MIA2: variants seen among roughly 807,000 people sequenced by gnomAD.
The protein encoded by MIA2 is melanoma inhibitory activity protein 2.
A neutral mutation model predicts 167.8 loss-of-function variants in MIA2; 127 were observed. The ratio of observed to expected loss-of-function variants is 0.76; its 90% confidence interval spans 0.66 to 0.88. The LOEUF is 0.88. Ranked by LOEUF, MIA2 falls within the 40% of genes least tolerant of loss-of-function variation. The probability of loss-of-function intolerance (pLI) is 0.00; values close to 1 mark genes in which losing one functional copy is unlikely to be tolerated. For synonymous variants in MIA2, 552 were observed against 541.9 expected (o/e 1.02, Z -0.26); for missense variants, 1,690 against 1,624.7 (o/e 1.04, Z -0.69).
chr14:39,331,341 A>C (rs775117678), intron 25 of MIA2, among the ~76,000 whole-genome samples: 3 of 152,018 alleles, frequency 2.0e-5, no homozygotes, highest in Admixed American at 6.6e-5. Context: ...TTTTGAGCCT[A>C]TGTGTGTCTA....
At position 39,315,523 on chromosome 14, in the gene MIA2, AG is replaced by A. The variant is rs1374895026; in HGVS notation, c.3181-159del. Among the ~76,000 whole-genome samples, 11 of 152,314 alleles carry A rather than the reference AG, an allele frequency of 7.2e-5. No individual in the cohort carries two copies. The South Asian group carries it at 2.3e-3, about 32-fold the overall frequency. The stretch of plus-strand genomic sequence containing the variant: ...TTCAGTTTTTGTTTTAAAATATAAT[AG>A]ATTATGTATACATGAAAATTTGCTT... On this transcript the variant is annotated intron_variant, in intron 20 of 28. Coordinates refer to ENST00000640607, the MANE Select transcript of MIA2 (RefSeq NM_001329214.4).
chr14:39,348,223 A>G (rs768934470), intron 27 of MIA2, among the ~76,000 whole-genome samples: 1 of 152,168 alleles, frequency 6.6e-6, no homozygotes, highest in Non-Finnish European at 1.5e-5. Flanking sequence ...TTTGATTAAT[A>G]TACTTTCTAC....
At chr14:39,324,899 G>A (rs1021810133) in intron 24 of MIA2, among the ~76,000 whole-genome samples, 6 of 152,178 alleles carry the variant, frequency 3.9e-5, no homozygotes, top group South Asian at 2.1e-4. Context: ...GAGCCATCAC[G>A]CCTGGCTATT....
chr14:39,298,530 G>GTTGTTTTTTTTTTTT (rs2061831830), intron 13 of MIA2, among the ~76,000 whole-genome samples: 1 of 26,180 alleles, frequency 3.8e-5, no homozygotes, highest in Non-Finnish European at 6.7e-5. Flanking sequence ...GTAGAACAGA[G>GTTGTTTTTTTTTTTT]TTTTTTTTTT....
At chr14:39,266,325 A>G in intron 6 of MIA2, 1 of 985,450 alleles carries the variant, frequency 1.0e-6, no homozygotes, top group Non-Finnish European at 1.2e-6. Flanking sequence ...GAACAAATCC[A>G]GCACTTGGCA....
intron 23 of MIA2, among the ~76,000 whole-genome samples, chr14:39,362,772 A>G (rs1428787725): frequency 1.3e-5 from 2 of 151,806 alleles, no homozygotes; most frequent in African/African-American, 4.8e-5. Context: ...GCATTGTTAG[A>G]TTGTGTGAAA....
chr14:39,363,058 C>T (rs983628900), intron 23 of MIA2, among the ~76,000 whole-genome samples: 12 of 152,184 alleles, frequency 7.9e-5, no homozygotes, highest in African/African-American at 2.9e-4. Flanking sequence ...TAGTTTTATT[C>T]CATTGTGTTC....
chr14:39,259,537 T>C (rs1330078731), intron 6 of MIA2, among the ~76,000 whole-genome samples: 7 of 152,050 alleles, frequency 4.6e-5, no homozygotes, highest in Non-Finnish European at 1.0e-4. Flanking sequence ...TTCTCTTTTT[T>C]TTCTATTTTT....
chr14:39,270,292 C>T (rs1308432303), intron 6 of MIA2, among the ~76,000 whole-genome samples: 1 of 151,122 alleles, frequency 6.6e-6, no homozygotes, highest in Non-Finnish European at 1.5e-5. Context: ...GCCTCCACCT[C>T]CCAGGTTCAA....
At chr14:39,345,684 T>G (rs1009931748) in intron 25 of MIA2, among the ~76,000 whole-genome samples, 1 of 152,222 alleles carries the variant, frequency 6.6e-6, no homozygotes. Context: ...ATTGAAATTT[T>G]CAAAATCCAA....
Position 39,262,674 on chromosome 14 carries a change from G to A in MIA2, c.1887+9503G>A, listed in dbSNP as rs2055180180. Reference sequence around the variant, plus strand: ...ATGGAATGTTCTTCCATTTGTTTGTGTCCTCTTTTATTTCAATGAGCAGTG... The same window carrying A: ...ATGGAATGTTCTTCCATTTGTTTGTATCCTCTTTTATTTCAATGAGCAGTG... On this transcript the variant is annotated intron_variant, in intron 6 of 28. Transcript: ENST00000640607. 1.4e-4 allele frequency among the ~76,000 whole-genome samples: 21 copies of A among 152,192 alleles called. No homozygotes were observed. In the South Asian group the frequency reaches 4.4e-3, roughly 32 times the overall value.
At position 39,247,490 on chromosome 14, in the gene MIA2, T is replaced by A. The variant is rs750494587; in HGVS notation, c.916T>A (p.Ser306Thr). 6.2e-7 allele frequency: 1 copy of A among 1,613,940 alleles called. No individual in the cohort carries two copies. The highest frequency in any genetic ancestry group is 8.5e-7 in the Non-Finnish European group (1 of 1,179,940). Residue 306 changes from serine to threonine, a missense_variant, in exon 4 of 29, where the codon TCC becomes ACC. Coordinates refer to ENST00000640607, the MANE Select transcript of MIA2 (RefSeq NM_001329214.4). ...GTCAGAGCACATTCCCAAACCTCAATCCACTGGTTGGTTTGGTGGAGGATT... is the reference window on the plus strand; with the variant it reads ...GTCAGAGCACATTCCCAAACCTCAAACCACTGGTTGGTTTGGTGGAGGATT... ...SESEHIPKPQ[S>T]TGWFGGGFTS...
intron 23 of MIA2, among the ~76,000 whole-genome samples, chr14:39,383,752 G>C (rs2075215267): frequency 1.3e-5 from 2 of 152,180 alleles, no homozygotes; most frequent in Non-Finnish European, 2.9e-5. Context: ...GAAAATTTTA[G>C]TGGTCTGGAT....
intron 6 of MIA2, chr14:39,266,553 T>G (rs1420593927): frequency 1.0e-6 from 1 of 985,326 alleles, no homozygotes; most frequent in Non-Finnish European, 1.2e-6. Context: ...AGATCGAGGT[T>G]CTCTTGCGTG....
At chr14:39,286,277 C>T (rs534953311) in intron 9 of MIA2, among the ~76,000 whole-genome samples, 54 of 152,018 alleles carry the variant, frequency 3.6e-4, no homozygotes, top group African/African-American at 1.3e-3. Context: ...ACCCCGTCTC[C>T]ACCAGAAAAA....
chr14:39,277,674 A>T lies in MIA2; in HGVS notation c.2019+609A>T, dbSNP rs1223506419. Reference sequence around the variant, plus strand: ...GGAATCTTTTAATGTAAGATCTTTTATATATATATATATGTGTGTATATAT... The same window carrying T: ...GGAATCTTTTAATGTAAGATCTTTTTTATATATATATATGTGTGTATATAT... On this transcript the variant is annotated intron_variant, in intron 7 of 28. Coordinates refer to ENST00000640607, the MANE Select transcript of MIA2 (RefSeq NM_001329214.4). Among the ~76,000 whole-genome samples the T allele has an allele frequency of 5.1e-3, 56 of 11,044 alleles. 3 individuals are homozygous for T. The highest frequency in any genetic ancestry group is 9.7e-3 in the East Asian group (2 of 206). 7.2% of individuals were successfully genotyped at this position (11,044 alleles called of 152,430 possible).
intron 21 of MIA2, among the ~76,000 whole-genome samples, chr14:39,316,825 G>A (rs1328346890): frequency 3.3e-5 from 5 of 151,988 alleles, no homozygotes; most frequent in Non-Finnish European, 7.4e-5. Context: ...ACAGTCCCAG[G>A]GTAAGACGGT....
chr14:39,271,801 G>A (rs968094704), intron 6 of MIA2, among the ~76,000 whole-genome samples: 1 of 151,860 alleles, frequency 6.6e-6, no homozygotes, highest in African/African-American at 2.4e-5. Flanking sequence ...CCAAGTTCTT[G>A]TCTCACAACC....
intron 23 of MIA2, among the ~76,000 whole-genome samples, chr14:39,380,359 C>T (rs2075129800): frequency 6.6e-6 from 1 of 152,098 alleles, no homozygotes; most frequent in African/African-American, 2.4e-5. Flanking sequence ...GTGAAATTGA[C>T]ATCTCAAAAT....
Sources: gnomAD v4.1 joint callset for allele counts (sites outside exome capture counted in the v4.1 genomes callset) on GRCh38, gnomAD v4.1.1 for gene constraint, MANE v1.5 for transcripts, NCBI Gene and HGNC (gene_info 2026-07-23, HGNC 2026-07-21) for gene names.